TSHZ3: variants seen among roughly 807,000 people sequenced by gnomAD.
TSHZ3 encodes teashirt homolog 3.
A neutral mutation model predicts 64.5 loss-of-function variants in TSHZ3; 10 were observed. The ratio of observed to expected loss-of-function variants is 0.16; its 90% CI spans 0.10 to 0.26. The LOEUF (loss-of-function observed/expected upper bound fraction) is 0.26. TSHZ3 is among the 10% of genes least tolerant of loss of function. TSHZ3 has a pLI of 1.00. For missense variants in TSHZ3, 1,242 were observed against 1,421.7 expected, an observed-to-expected ratio of 0.87 and a Z score of 2.03; for synonymous variants, 608 against 593.1, an observed-to-expected ratio of 1.03 and a Z score of -0.36.
intron 3 of TSHZ3, among the ~76,000 whole-genome samples, chr19:31,239,017 T>G (rs771761299): frequency 1.3e-5 from 2 of 152,166 alleles, no homozygotes; most frequent in Non-Finnish European, 2.9e-5. Flanking sequence ...CATCTTCTCT[T>G]TTTTGTACTT....
At chr19:31,154,826 T>A (rs1974284161) in intron 6 of TSHZ3, among the ~76,000 whole-genome samples, 1 of 149,560 alleles carries the variant, frequency 6.7e-6, no homozygotes, top group Non-Finnish European at 1.5e-5. Context: ...CAGGCTGTTT[T>A]AGGCTTGAAG....
At chr19:31,302,617 TTTTAC>T (rs1976773644) in intron 1 of TSHZ3, among the ~76,000 whole-genome samples, 1 of 151,552 alleles carries the variant, frequency 6.6e-6, no homozygotes, top group African/African-American at 2.4e-5. Flanking sequence ...ATAAGTGTGC[TTTTAC>T]TTTTACCTTA....
intron 3 of TSHZ3, among the ~76,000 whole-genome samples, chr19:31,234,572 G>A (rs552788529): frequency 7.9e-5 from 12 of 152,264 alleles, no homozygotes; most frequent in Admixed American, 7.2e-4. Flanking sequence ...AATTTGCTGC[G>A]TGTTTTTCAT....
chr19:31,302,124 G>C (rs1266055890), intron 1 of TSHZ3, among the ~76,000 whole-genome samples: 2 of 152,192 alleles, frequency 1.3e-5, no homozygotes, highest in African/African-American at 2.4e-5. Context: ...TGTGGCAAAA[G>C]AGAGAGCCAT....
At position 31,276,816 on chromosome 19, in the gene TSHZ3, T is replaced by A. The variant is rs1011030838; in HGVS notation, c.2977A>T (p.Ser993Cys). The A allele has an allele frequency of 1.2e-6, 2 of 1,614,228 alleles. No individual in the cohort carries two copies. Among genetic ancestry groups the A allele is most frequent in the Admixed American group, 3.3e-5 (2 of 60,024 alleles). ...AAGCCTAAGTGTGACTCTAGGTGAC[T>A]GATGTACGTGGAAGGAGTCCTGATT... is the stretch of plus-strand genomic sequence containing the variant. ...SQIRTPSTYI[S>C]HLESHLGFRL... Residue 993 changes from serine (S) to cysteine (C), a missense_variant, in exon 2 of 2, where the codon AGT (serine) becomes TGT (cysteine). Around this residue, in one of 4 missense-constraint regions of TSHZ3, gnomAD observed 126 missense variants for 140.6 expected, o/e 0.90. Transcript: ENST00000240587.
At chr19:31,153,253 G>GA (rs1388160278) in intron 6 of TSHZ3, among the ~76,000 whole-genome samples, 1 of 152,082 alleles carries the variant, frequency 6.6e-6, no homozygotes, top group Non-Finnish European at 1.5e-5. Context: ...AGATGTTTAG[G>GA]AAAAAATATA....
chr19:31,312,864 C>A (rs762285262), intron 1 of TSHZ3, among the ~76,000 whole-genome samples: 1 of 152,046 alleles, frequency 6.6e-6, no homozygotes. Context: ...CATTAGACTC[C>A]GGTAGGAAGG....
At chr19:31,217,902 T>G (rs1975353700) in intron 4 of TSHZ3, among the ~76,000 whole-genome samples, 1 of 152,176 alleles carries the variant, frequency 6.6e-6, no homozygotes, top group South Asian at 2.1e-4. Context: ...ACAGTTGGAA[T>G]GATACAGTAT....
At chr19:31,291,571 CA>C (rs1976565896) in intron 1 of TSHZ3, among the ~76,000 whole-genome samples, 2 of 152,154 alleles carry the variant, frequency 1.3e-5, no homozygotes, top group Non-Finnish European at 2.9e-5. Context: ...AATCCCAGTA[CA>C]AACAAAAATA....
rs752282606 is a variant in TSHZ3, at chr19:31,278,780, C to T, written c.1013G>A (p.Gly338Asp). The T allele has an allele frequency of 6.2e-7, 1 of 1,614,160 alleles. No homozygotes were observed. Among genetic ancestry groups the T allele is most frequent in the East Asian group, 2.2e-5 (1 of 44,872 alleles). Residue 338 changes from glycine (G) to aspartate (D), a missense_variant, in exon 2 of 2, where the codon GGT (glycine) becomes GAT (aspartate). By Grantham distance (94) the Gly-to-Asp change is moderately conservative. This residue lies in a region of TSHZ3 where 555 missense variants were observed against 704.0 expected (regional missense o/e 0.79). Transcript: ENST00000240587. The surrounding 1 kb of genome is among the most constrained non-coding windows in gnomAD (Gnocchi z 4.7). The part of the protein sequence containing the change: ...LELPSSPDST[G>D]GTPKATISDT... ...TGAGATGGTGGCTTTGGGGGTTCCA[C>T]CTGTGGAATCTGGGGAGCTGGGGAG...
chr19:31,292,921 C>A (rs1976595445), intron 1 of TSHZ3, among the ~76,000 whole-genome samples: 1 of 147,086 alleles, frequency 6.8e-6, no homozygotes, highest in African/African-American at 2.5e-5. Flanking sequence ...ATCCATCCAA[C>A]CAAAAACCCA....
At chr19:31,287,640 G>T (rs970111062) in intron 1 of TSHZ3, among the ~76,000 whole-genome samples, 3 of 152,124 alleles carry the variant, frequency 2.0e-5, no homozygotes, top group Non-Finnish European at 4.4e-5. Flanking sequence ...CTGGCGTAGG[G>T]GAGAGAGAGG....
intron 1 of TSHZ3, among the ~76,000 whole-genome samples, chr19:31,338,571 TTTTTTTTTTC>T (rs1917322660): frequency 7.0e-6 from 1 of 143,006 alleles, no homozygotes. Context: ...TTGGTTTTTC[TTTTTTTTTTC>T]TTTTTTTTTT....
chr19:31,242,111 C>A lies in TSHZ3; in HGVS notation n.550+158G>T, dbSNP rs146240437. Among the ~76,000 whole-genome samples the A allele has an allele frequency of 5.6e-3, 857 of 152,286 alleles. 7 individuals are homozygous for A. Among genetic ancestry groups the A allele is most frequent in the African/African-American group, 0.019 (808 of 41,570 alleles). ...ACTTCTCTACTTAGCCAGTGACTTTCCTCTCACATATGGCAGCCCTGGTCT... is the reference window on the plus strand; with the variant it reads ...ACTTCTCTACTTAGCCAGTGACTTTACTCTCACATATGGCAGCCCTGGTCT... On this transcript the variant is annotated intron_variant and non_coding_transcript_variant, in intron 3 of 6. Coordinates refer to the TSHZ3 transcript ENST00000651361.
intron 4 of TSHZ3, among the ~76,000 whole-genome samples, chr19:31,226,555 G>A (rs1975464347): frequency 6.6e-6 from 1 of 152,148 alleles, no homozygotes; most frequent in Non-Finnish European, 1.5e-5. Context: ...AGATTACCCA[G>A]TCTCAGGTAT....
chr19:31,214,829 A>T (rs1054590860), intron 4 of TSHZ3, among the ~76,000 whole-genome samples: 1 of 148,952 alleles, frequency 6.7e-6, no homozygotes, highest in African/African-American at 2.5e-5. Context: ...AATGGCGTGA[A>T]CCCGGGAGGC....
intron 4 of TSHZ3, among the ~76,000 whole-genome samples, chr19:31,215,416 T>C (rs1975313133): frequency 6.6e-6 from 1 of 152,124 alleles, no homozygotes; most frequent in South Asian, 2.1e-4. Flanking sequence ...ATGGTATAAG[T>C]GTATACAAGA....
intron 5 of TSHZ3, among the ~76,000 whole-genome samples, chr19:31,192,234 G>A (rs1281716489): frequency 6.6e-6 from 1 of 152,098 alleles, no homozygotes; most frequent in African/African-American, 2.4e-5. Flanking sequence ...AGAAAAAGGG[G>A]AACAAAAAGC....
At chr19:31,249,473 G>A (rs1395587688) in intron 1 of TSHZ3, among the ~76,000 whole-genome samples, 2 of 152,148 alleles carry the variant, frequency 1.3e-5, no homozygotes, top group Non-Finnish European at 2.9e-5. Flanking sequence ...GGCACCGACT[G>A]CAGAGTGGCT....
Sources: allele counts gnomAD v4.1 joint callset (sites outside exome capture counted in the v4.1 genomes callset), GRCh38; gene constraint gnomAD v4.1.1; regional missense constraint gnomAD v4.1.1; non-coding constraint Gnocchi (gnomAD v3.1); transcripts MANE v1.5; gene names NCBI Gene and HGNC (gene_info 2026-07-23, HGNC 2026-07-21).